Variants in RAB2A observed in about 807,000 individuals in gnomAD.
RAB2A encodes ras-related protein Rab-2A.
In RAB2A, 7 loss-of-function variants were observed where a neutral mutation model predicts 32.5. The observed-to-expected ratio is 0.22, with a 90% CI of 0.12 to 0.40. The LOEUF (loss-of-function observed/expected upper bound fraction) is 0.40. RAB2A is among the 10% of genes least tolerant of loss of function. RAB2A has a pLI of 1.00. For missense variants in RAB2A, 108 were observed against 260.7 expected (o/e 0.41, Z 4.03); for synonymous variants, 79 against 85.2 (o/e 0.93, Z 0.40).
intron 1 of RAB2A, among the ~76,000 whole-genome samples, chr8:60,535,214 T>C (rs1024044693): frequency 6.6e-6 from 1 of 152,244 alleles, no homozygotes; most frequent in Non-Finnish European, 1.5e-5. Context: ...CTATATTTGG[T>C]CACAGTAGAA....
intron 1 of RAB2A, among the ~76,000 whole-genome samples, chr8:60,539,301 A>G (rs566155996): frequency 6.6e-6 from 1 of 152,370 alleles, no homozygotes; most frequent in South Asian, 2.1e-4. Flanking sequence ...GCCTTAGCAG[A>G]TAAAGTGAGC....
At chr8:60,589,158 T>A (rs1803894086) in intron 5 of RAB2A, among the ~76,000 whole-genome samples, 1 of 152,234 alleles carries the variant, frequency 6.6e-6, no homozygotes, top group Non-Finnish European at 1.5e-5. Context: ...TATCCTTTTA[T>A]TTTACCAATT....
At chr8:60,518,065 G>C (rs902308249) in intron 1 of RAB2A, among the ~76,000 whole-genome samples, 1 of 152,054 alleles carries the variant, frequency 6.6e-6, no homozygotes, top group African/African-American at 2.4e-5. Flanking sequence ...CTAATTTTCA[G>C]GTGAGCTCAT....
intron 1 of RAB2A, among the ~76,000 whole-genome samples, chr8:60,546,722 T>C (rs1807732860): frequency 6.6e-6 from 1 of 152,192 alleles, no homozygotes; most frequent in Non-Finnish European, 1.5e-5. Flanking sequence ...GTATGTATTG[T>C]TCTTATCCTC....
At chr8:60,608,099 T>TTTTG (rs144178736) in intron 6 of RAB2A, among the ~76,000 whole-genome samples, 80,554 of 151,474 alleles carry the variant, frequency 0.53, 24,272 homozygotes, top group African/African-American at 0.83. Flanking sequence ...TTTTCTGGGT[T>TTTTG]TTTGTTTGTT....
chr8:60,619,943 A>G (rs188017190), intron 7 of RAB2A, among the ~76,000 whole-genome samples: 237 of 152,358 alleles, frequency 1.6e-3, no homozygotes, highest in Middle Eastern at 3.4e-3. Flanking sequence ...GCGAAAAGAA[A>G]CCACATCAGC....
chr8:60,520,502 C>T (rs75252875), intron 1 of RAB2A, among the ~76,000 whole-genome samples: 132 of 152,354 alleles, frequency 8.7e-4, no homozygotes, highest in African/African-American at 3.0e-3. Flanking sequence ...TGCTGCTCAA[C>T]GCTCAGCAAG....
intron 6 of RAB2A, among the ~76,000 whole-genome samples, chr8:60,603,399 A>G (rs1185149739): frequency 6.6e-6 from 1 of 152,246 alleles, no homozygotes; most frequent in Non-Finnish European, 1.5e-5. Flanking sequence ...AGCATAAGAT[A>G]ACAACAGCTT....
chr8:60,578,160 T>C (rs1468995608), intron 3 of RAB2A, among the ~76,000 whole-genome samples: 1 of 152,232 alleles, frequency 6.6e-6, no homozygotes, highest in Non-Finnish European at 1.5e-5. Flanking sequence ...TTTCTCACTT[T>C]ATTGGCTCTT....
chr8:60,572,430 TA>T (rs1407501620), intron 3 of RAB2A, among the ~76,000 whole-genome samples: 5 of 152,202 alleles, frequency 3.3e-5, no homozygotes, highest in Admixed American at 2.6e-4. Flanking sequence ...GGAAGTAAAA[TA>T]AGAATATCAA....
intron 5 of RAB2A, among the ~76,000 whole-genome samples, chr8:60,585,254 A>G (rs1408406111): frequency 6.6e-6 from 1 of 151,658 alleles, no homozygotes; most frequent in Non-Finnish European, 1.5e-5. Context: ...AGAAAATATT[A>G]GTATTTTCAA....
At chr8:60,542,378 G>C (rs1317060959) in intron 1 of RAB2A, among the ~76,000 whole-genome samples, 4 of 152,160 alleles carry the variant, frequency 2.6e-5, no homozygotes, top group Non-Finnish European at 5.9e-5. Flanking sequence ...AGCCAGGCGT[G>C]GTGGCATGTG....
In RAB2A at chr8:60,584,016, C is replaced by T. The variant is rs116459888; in HGVS notation, c.187-192C>T. 968 of 492,898 alleles carry T rather than the reference C, an allele frequency of 2.0e-3. 7 individuals carry two copies. The highest frequency in any genetic ancestry group is 0.017 in the African/African-American group (860 of 51,474). 30.5% of individuals were successfully genotyped at this position (492,898 alleles called of 1,614,324 possible). On this transcript the variant is annotated intron_variant, in intron 3 of 7. Transcript: ENST00000262646. Reference sequence around the variant, plus strand: ...AGCGACTACATGTGCACTACATGTGCGTCTCGTTGACTTGAGCAATCTTGA... The same window carrying T: ...AGCGACTACATGTGCACTACATGTGTGTCTCGTTGACTTGAGCAATCTTGA...
chr8:60,577,709 C>T lies in RAB2A; in HGVS notation c.186+5596C>T, dbSNP rs533819996. Among the ~76,000 whole-genome samples, 20 of 151,494 alleles carry T rather than the reference C, an allele frequency of 1.3e-4. 2 individuals carry two copies. The South Asian group carries it at 3.1e-3, about 24-fold the overall frequency. Reference sequence around the variant, plus strand: ...CGTGATCTCGGCTCACTGCAAGCTTCGCCTGCCGGGTTCACGCCACTTTCT... The same window carrying T: ...CGTGATCTCGGCTCACTGCAAGCTTTGCCTGCCGGGTTCACGCCACTTTCT... On this transcript the variant is annotated intron_variant, in intron 3 of 7. Transcript: ENST00000262646.
chr8:60,601,523 A>G (rs1411074450), intron 6 of RAB2A, among the ~76,000 whole-genome samples: 1 of 152,158 alleles, frequency 6.6e-6, no homozygotes, highest in Non-Finnish European at 1.5e-5. Flanking sequence ...CTTCTAGTAG[A>G]AACAAGGTTT....
At chr8:60,540,086 T>C (rs1807616247) in intron 1 of RAB2A, among the ~76,000 whole-genome samples, 1 of 151,304 alleles carries the variant, frequency 6.6e-6, no homozygotes, top group Admixed American at 6.6e-5. Context: ...ACTAGAATTA[T>C]AATTAACTTT....
intron 1 of RAB2A, among the ~76,000 whole-genome samples, chr8:60,523,282 C>T (rs1429754461): frequency 2.0e-5 from 3 of 151,856 alleles, no homozygotes; most frequent in African/African-American, 2.4e-5. Context: ...CTCAGCCTCC[C>T]GAATAGCTGG....
At chr8:60,615,571 T>C (rs1303767771) in intron 6 of RAB2A, among the ~76,000 whole-genome samples, 2 of 152,234 alleles carry the variant, frequency 1.3e-5, no homozygotes, top group Non-Finnish European at 2.9e-5. Flanking sequence ...ATGTGTTATA[T>C]ACATACATAT....
At chr8:60,540,760 G>A (rs960534036) in intron 1 of RAB2A, among the ~76,000 whole-genome samples, 1 of 152,206 alleles carries the variant, frequency 6.6e-6, no homozygotes, top group African/African-American at 2.4e-5. Context: ...GGGATTACAA[G>A]TGTGAGCCAC....
Sources: allele counts gnomAD v4.1 joint callset (sites outside exome capture counted in the v4.1 genomes callset), GRCh38; gene constraint gnomAD v4.1.1; transcripts MANE v1.5; gene names NCBI Gene and HGNC (gene_info 2026-07-23, HGNC 2026-07-21).